The following ASTN1 variants were observed in gnomAD, a reference collection of about 807,000 sequenced individuals.
ASTN1 encodes astrotactin 1, also known as astrotactin-1.
Under a neutral mutation model 140.7 loss-of-function variants are expected in ASTN1, and 41 were observed. The ratio of observed to expected loss-of-function variants is 0.29; its 90% CI spans 0.23 to 0.38. The LOEUF (loss-of-function observed/expected upper bound fraction) is 0.38. ASTN1 is among the 10% of genes least tolerant of loss of function. The pLI, the probability that ASTN1 is intolerant of heterozygous loss-of-function variation, is 1.00. For missense variants in ASTN1, 1,479 were observed against 1,678.8 expected (o/e 0.88, Z 2.08); for synonymous variants, 640 against 652.2 (o/e 0.98, Z 0.29).
intron 1 of ASTN1, among the ~76,000 whole-genome samples, chr1:177,160,010 G>C (rs1647266498): frequency 6.6e-6 from 1 of 152,200 alleles, no homozygotes; most frequent in African/African-American, 2.4e-5. Context: ...GGATATTCAA[G>C]AAGTATTTGC....
Position 176,905,867 on chromosome 1 carries a change from A to C in ASTN1, c.2672-11037T>G, listed in dbSNP as rs146840285. Among the ~76,000 whole-genome samples the C allele has an allele frequency of 8.3e-4, 127 of 152,286 alleles. 1 individual carries two copies. Among genetic ancestry groups the C allele is most frequent in the African/African-American group, 2.7e-3 (114 of 41,554 alleles). On this transcript the variant is annotated intron_variant, in intron 16 of 22. Coordinates refer to ENST00000361833, the MANE Select transcript of ASTN1 (RefSeq NM_004319.3). The stretch of plus-strand genomic sequence containing the variant: ...TGGTTTCACCCAGAGCTGCAACCCA[A>C]ACTGGTTGGTGAGGGAGATTCATGT...
At chr1:177,006,433 C>A (rs1675000989) in intron 8 of ASTN1, among the ~76,000 whole-genome samples, 1 of 151,018 alleles carries the variant, frequency 6.6e-6, no homozygotes, top group Non-Finnish European at 1.5e-5. Context: ...TAGCCAAAAA[C>A]TCCAAAGCCA....
intron 7 of ASTN1, among the ~76,000 whole-genome samples, chr1:177,018,232 G>A (rs1234685553): frequency 6.6e-6 from 1 of 152,180 alleles, no homozygotes. Context: ...CCTAAAGGAA[G>A]GTGCTTTAAT....
intron 1 of ASTN1, among the ~76,000 whole-genome samples, chr1:177,100,050 G>A (rs1269520481): frequency 6.6e-6 from 1 of 152,134 alleles, no homozygotes; most frequent in Non-Finnish European, 1.5e-5. Flanking sequence ...AGGATACAAA[G>A]CTAGTAAATG....
At chr1:176,922,555 G>GTAAAAAAAAAA (rs1670776521) in intron 16 of ASTN1, among the ~76,000 whole-genome samples, 1 of 39,056 alleles carries the variant, frequency 2.6e-5, no homozygotes, top group Non-Finnish European at 4.2e-5. Context: ...AGCCCCCACT[G>GTAAAAAAAAAA]CAAAAAAAAA....
intron 2 of ASTN1, among the ~76,000 whole-genome samples, chr1:177,045,904 GC>G (rs56869442): frequency 0.57 from 85,719 of 151,582 alleles, 24,617 homozygotes; most frequent in Non-Finnish European, 0.61. Context: ...ACATGTAGCT[GC>G]TACAGACACA....
intron 8 of ASTN1, among the ~76,000 whole-genome samples, chr1:177,002,376 A>AACACAC (rs3979529): frequency 2.3e-4 from 34 of 148,680 alleles, no homozygotes; most frequent in Admixed American, 1.5e-3. Context: ...CTTACACACA[A>AACACAC]ACACACACAC....
chr1:177,109,114 G>T (rs191180489), intron 1 of ASTN1, among the ~76,000 whole-genome samples: 1 of 152,110 alleles, frequency 6.6e-6, no homozygotes. Context: ...TATATACAAG[G>T]ATGTCAGTCC....
chr1:176,905,735 T>C (rs1013086191), intron 16 of ASTN1, among the ~76,000 whole-genome samples: 3 of 152,180 alleles, frequency 2.0e-5, no homozygotes, highest in East Asian at 3.9e-4. Flanking sequence ...ATGTGCTGAG[T>C]GGATCAGGCT....
intron 16 of ASTN1, among the ~76,000 whole-genome samples, chr1:176,897,919 C>A (rs114930165): frequency 0.01 from 1,534 of 152,258 alleles, 28 homozygotes; most frequent in African/African-American, 0.035. Context: ...CCCCACGCCC[C>A]CTCCTCTCAT....
At chr1:177,112,331 T>G (rs1402729851) in intron 1 of ASTN1, among the ~76,000 whole-genome samples, 1 of 152,238 alleles carries the variant, frequency 6.6e-6, no homozygotes, top group African/African-American at 2.4e-5. Flanking sequence ...GGGAATATGT[T>G]GAAGGCACAC....
chr1:177,026,050 CT>C (rs1239308575), intron 5 of ASTN1, among the ~76,000 whole-genome samples: 12 of 152,236 alleles, frequency 7.9e-5, no homozygotes, highest in Admixed American at 7.8e-4. Context: ...CCAGTGGTGC[CT>C]TTGGAACTGA....
chr1:176,957,598 A>G (rs940731698), intron 11 of ASTN1, 80 bp downstream of exon 11: 1 of 1,520,158 alleles, frequency 6.6e-7, no homozygotes, highest in Non-Finnish European at 8.9e-7. Flanking sequence ...ATTTTTCCCT[A>G]TGTATCTGTA....
intron 21 of ASTN1, among the ~76,000 whole-genome samples, chr1:176,874,080 A>G (rs1668465430): frequency 6.6e-6 from 1 of 151,886 alleles, no homozygotes; most frequent in Non-Finnish European, 1.5e-5. Context: ...ATTTCCCACT[A>G]CTCACTGCAG....
At chr1:176,886,166 CTAAAG>C (rs1010171249) in intron 18 of ASTN1, among the ~76,000 whole-genome samples, 1 of 152,136 alleles carries the variant, frequency 6.6e-6, no homozygotes, top group African/African-American at 2.4e-5. Context: ...TTGTGTAAAA[CTAAAG>C]TATATTTTCG....
At chr1:176,879,014 C>T (rs1350623121) in intron 20 of ASTN1, among the ~76,000 whole-genome samples, 1 of 152,142 alleles carries the variant, frequency 6.6e-6, no homozygotes, top group Non-Finnish European at 1.5e-5. Context: ...GCAGACTGTG[C>T]CCTAAGCCCA....
intron 17 of ASTN1, among the ~76,000 whole-genome samples, chr1:176,894,252 G>A (rs1436815692): frequency 6.6e-6 from 1 of 152,090 alleles, no homozygotes; most frequent in Non-Finnish European, 1.5e-5. Context: ...AAGGCACGAG[G>A]GTTCTCTGAA....
intron 8 of ASTN1, among the ~76,000 whole-genome samples, chr1:177,001,472 C>A (rs761881236): frequency 3.9e-5 from 6 of 152,118 alleles, no homozygotes; most frequent in Non-Finnish European, 8.8e-5. Context: ...TTAAAATAAT[C>A]TTTATAACAA....
At chr1:176,950,393 C>T (rs1241037134) in intron 11 of ASTN1, among the ~76,000 whole-genome samples, 1 of 152,246 alleles carries the variant, frequency 6.6e-6, no homozygotes, top group African/African-American at 2.4e-5. Context: ...GCTGCTTCAT[C>T]ATTAGCACAC....
Sources: gnomAD v4.1 joint callset for allele counts (sites outside exome capture counted in the v4.1 genomes callset) on GRCh38, gnomAD v4.1.1 for gene constraint, MANE v1.5 for transcripts, NCBI Gene and HGNC (gene_info 2026-07-23, HGNC 2026-07-21) for gene names.